The following SAR1B variants were observed in gnomAD, a reference collection of about 807,000 sequenced individuals.
SAR1B encodes the protein small COPII coat GTPase SAR1B.
SAR1B carries 23 observed loss-of-function variants against 26.8 expected under a neutral mutation model. The ratio of observed to expected loss-of-function variants is 0.86; its 90% CI spans 0.62 to 1.22. The LOEUF (loss-of-function observed/expected upper bound fraction) is 1.22. Ranked by LOEUF, SAR1B falls within the 50% of genes most tolerant of loss-of-function variation. The probability of loss-of-function intolerance (pLI) is 0.00; values close to 1 mark genes in which losing one functional copy is unlikely to be tolerated. For missense variants in SAR1B, 196 were observed against 232.8 expected (o/e 0.84, Z 1.03); for synonymous variants, 65 against 80.8 (o/e 0.80, Z 1.05).
In SAR1B at chr5:134,601,698, G is replaced by T. The variant is rs1454167901; in HGVS notation, c.*5252C>A. The T allele has an allele frequency of 6.6e-6, 1 of 152,304 alleles. No homozygotes were observed. The highest frequency in any genetic ancestry group is 1.9e-4 in the East Asian group (1 of 5,182). The allele number at this position is 152,304 out of a possible 1,614,324, so 9.4% of individuals were successfully genotyped here. ...AAAGAAAACCTGTATGTCAAAAACA[G>T]AACTGTTCCTGCCTTTCACCCCAAA... On this transcript the variant is annotated 3_prime_UTR_variant, in exon 7 of 7. Transcript: ENST00000402673.
intron 3 of SAR1B, chr5:134,618,432 T>C (rs1580652167): frequency 6.6e-6 from 1 of 152,376 alleles, no homozygotes; most frequent in South Asian, 2.1e-4. Flanking sequence ...TTTGAACATT[T>C]ACTGGACTAA....
At chr5:134,619,010 A>C (rs1450840136) in intron 3 of SAR1B, among the ~76,000 whole-genome samples, 2 of 150,278 alleles carry the variant, frequency 1.3e-5, no homozygotes, top group African/African-American at 4.9e-5. Context: ...AAAAGGAAAA[A>C]AAAAAAATTA....
At chr5:134,607,803 T>C (rs1765152395) in intron 6 of SAR1B, among the ~76,000 whole-genome samples, 1 of 151,538 alleles carries the variant, frequency 6.6e-6, no homozygotes, top group Non-Finnish European at 1.5e-5. Flanking sequence ...TCCTGCTATA[T>C]GCTGCAGTAT....
chr5:134,626,417 A>C (rs1405499032), intron 1 of SAR1B, among the ~76,000 whole-genome samples: 2 of 152,090 alleles, frequency 1.3e-5, no homozygotes. Flanking sequence ...GTAGAAGTAA[A>C]AATGCCCAAC....
At chr5:134,619,717 T>G (rs1765374320) in intron 3 of SAR1B, among the ~76,000 whole-genome samples, 1 of 152,130 alleles carries the variant, frequency 6.6e-6, no homozygotes, top group Admixed American at 6.6e-5. Context: ...TTAGATTAAT[T>G]CTGTGGTGTA....
chr5:134,612,353 C>T (rs899343025), intron 4 of SAR1B, among the ~76,000 whole-genome samples: 4 of 151,934 alleles, frequency 2.6e-5, no homozygotes, highest in African/African-American at 9.7e-5. Context: ...TCTACTCTGG[C>T]CTTGCGTGAC....
At chr5:134,612,395 G>A (rs1226606307) in intron 4 of SAR1B, among the ~76,000 whole-genome samples, 4 of 151,830 alleles carry the variant, frequency 2.6e-5, no homozygotes, top group Non-Finnish European at 5.9e-5. Flanking sequence ...AGAACTAATG[G>A]CCACATTTTT....
intron 4 of SAR1B, 121 bp downstream of exon 4, chr5:134,612,570 A>G: frequency 1.0e-6 from 1 of 981,244 alleles, no homozygotes; most frequent in Non-Finnish European, 1.4e-6. Context: ...GCTTGAACCC[A>G]GGAGGCAGAG....
intron 4 of SAR1B, among the ~76,000 whole-genome samples, chr5:134,612,078 T>C (rs926171845): frequency 6.6e-6 from 1 of 152,180 alleles, no homozygotes. Flanking sequence ...GTTAATGAGT[T>C]TGGCCTTTAT....
intron 1 of SAR1B, among the ~76,000 whole-genome samples, chr5:134,626,364 G>T (rs1765494599): frequency 6.9e-6 from 1 of 144,916 alleles, no homozygotes. Context: ...CAAACTAGGA[G>T]TAATTAGAAA....
chr5:134,627,060 C>CT (rs551464669), intron 1 of SAR1B, among the ~76,000 whole-genome samples: 12 of 149,264 alleles, frequency 8.0e-5, no homozygotes, highest in Non-Finnish European at 1.0e-4. Context: ...AAACCATTTA[C>CT]TTTTTTTTTT....
At chr5:134,607,680 G>A (rs571409007) in intron 6 of SAR1B, among the ~76,000 whole-genome samples, 1 of 151,480 alleles carries the variant, frequency 6.6e-6, no homozygotes, top group Non-Finnish European at 1.5e-5. Flanking sequence ...GCTGAGGCAG[G>A]AGAATCGCTT....
Position 134,605,465 on chromosome 5 carries a change from G to C in SAR1B, c.*1485C>G, listed in dbSNP as rs977035137. 6.6e-6 allele frequency: 1 copy of C among 151,846 alleles called. No individual in the cohort carries two copies. Among genetic ancestry groups the C allele is most frequent in the Non-Finnish European group, 1.5e-5 (1 of 67,976 alleles). The allele number at this position is 151,846 out of a possible 1,614,324, so 9.4% of individuals were successfully genotyped here. A position where few individuals can be genotyped will look rare whatever the true frequency, so the allele number is the denominator to read the frequency against. The stretch of plus-strand genomic sequence containing the variant: ...AACTAAAATTTTCTTAGTAAGCCTA[G>C]CAATGAGGCTTGCAGGCCCTATCAC... On this transcript the variant is annotated 3_prime_UTR_variant, in exon 7 of 7. Coordinates refer to ENST00000402673, the MANE Select transcript of SAR1B (RefSeq NM_016103.4).
At chr5:134,612,640 C>CT (rs745687972) in intron 4 of SAR1B, 51 bp downstream of exon 4, 7 of 898,168 alleles carry the variant, frequency 7.8e-6, no homozygotes, top group East Asian at 9.5e-5. Flanking sequence ...GTGAGCCTGT[C>CT]TAAAAAAAAA....
At chr5:134,610,492 G>A (rs1365853159) in intron 4 of SAR1B, among the ~76,000 whole-genome samples, 1 of 149,926 alleles carries the variant, frequency 6.7e-6, no homozygotes, top group Non-Finnish European at 1.5e-5. Flanking sequence ...ACCTGAACCC[G>A]GGAGGTGGAG....
chr5:134,625,611 T>A (rs1765481771), intron 1 of SAR1B, among the ~76,000 whole-genome samples: 1 of 151,874 alleles, frequency 6.6e-6, no homozygotes, highest in African/African-American at 2.4e-5. Context: ...GCCAGCAAAG[T>A]GGAAGAGAAT....
intron 1 of SAR1B, among the ~76,000 whole-genome samples, chr5:134,626,197 G>A (rs1765489701): frequency 6.7e-6 from 1 of 150,268 alleles, no homozygotes; most frequent in Non-Finnish European, 1.5e-5. Context: ...TACCCAGGAG[G>A]CTGAGGCAGG....
In SAR1B at chr5:134,609,661, C is replaced by T; in HGVS notation, c.258G>A (p.Trp86Ter). 6.2e-7 allele frequency: 1 copy of T among 1,613,982 alleles called. No homozygotes were observed. The highest frequency in any genetic ancestry group is 2.2e-5 in the East Asian group (1 of 44,882). ...LGGHVQARRV[W>*]KNYLPAINGI... The stretch of plus-strand genomic sequence containing the variant: ...CATTGATAGCAGGAAGGTAGTTTTT[C>T]CACACTCTTCGAGCTAACAAAAACA... Residue 86 changes from tryptophan (W) to a stop codon, truncating the protein, a stop_gained, in exon 5 of 7, where the codon TGG becomes TGA. Coordinates refer to ENST00000402673, the MANE Select transcript of SAR1B (RefSeq NM_016103.4). LOFTEE classifies it high-confidence loss of function.
chr5:134,614,341 G>T (rs1765272869), intron 3 of SAR1B: 3 of 152,054 alleles, frequency 2.0e-5, no homozygotes, highest in Non-Finnish European at 4.4e-5. Context: ...TCACACTTGT[G>T]TCTGTTTCTA....
Sources: gnomAD v4.1 joint callset for allele counts (sites outside exome capture counted in the v4.1 genomes callset) on GRCh38, gnomAD v4.1.1 for gene constraint, MANE v1.5 for transcripts, NCBI Gene and HGNC (gene_info 2026-07-23, HGNC 2026-07-21) for gene names.